CNOT6L: variants seen among roughly 807,000 people sequenced by gnomAD.
The protein encoded by CNOT6L is CCR4-NOT transcription complex subunit 6-like.
A neutral mutation model predicts 64.0 loss-of-function variants in CNOT6L; 7 were observed. The observed-to-expected ratio is 0.11, with a 90% CI of 0.06 to 0.21. The LOEUF is 0.21. Ranked by LOEUF, CNOT6L falls within the 10% of genes least tolerant of loss-of-function variation. CNOT6L has a pLI of 1.00. For synonymous variants in CNOT6L, 193 were observed against 243.4 expected, an observed-to-expected ratio of 0.79 and a Z score of 1.93; for missense variants, 245 against 669.0, an observed-to-expected ratio of 0.37 and a Z score of 6.99.
At chr4:77,799,187 G>A (rs910426725) in intron 1 of CNOT6L, among the ~76,000 whole-genome samples, 3 of 152,078 alleles carry the variant, frequency 2.0e-5, no homozygotes, top group African/African-American at 4.8e-5. Context: ...CAACACTTTC[G>A]GAGGCCAAGG....
rs530686003 is a variant in CNOT6L at position 77,817,002 on chromosome 4, T to G, written c.5+2302A>C. ...TTACCTTATATTCAGAGAAATATTC[T>G]AAGAAGTTTTATTTACCAAATCAGT... On this transcript the variant is annotated intron_variant, in intron 1 of 11. Transcript: ENST00000504123. Among the ~76,000 whole-genome samples, 15 of 152,312 alleles carry G rather than the reference T, an allele frequency of 9.8e-5. No individual in the cohort carries two copies. In the South Asian group the frequency reaches 1.7e-3, roughly 17 times the overall value.
chr4:77,719,343 A>G lies in CNOT6L; in HGVS notation c.*1088T>C, dbSNP rs1041772563. On this transcript the variant is annotated 3_prime_UTR_variant, in exon 12 of 12. Transcript: ENST00000504123. ...CAGCTAGAGTCAGGAAAATGACCCA[A>G]CGTTTTCAACTACTGCCCCAAATTT... 2.6e-5 allele frequency: 4 copies of G among 152,572 alleles called. No individual in the cohort carries two copies. Among genetic ancestry groups the G allele is most frequent in the Non-Finnish European group, 4.4e-5 (3 of 68,014 alleles). 9.5% of individuals were successfully genotyped at this position (152,572 alleles called of 1,614,324 possible). A position where few individuals can be genotyped will look rare whatever the true frequency, so the allele number is the denominator to read the frequency against.
chr4:77,803,649 A>C (rs547518590), intron 1 of CNOT6L, among the ~76,000 whole-genome samples: 2 of 152,320 alleles, frequency 1.3e-5, no homozygotes, highest in East Asian at 3.9e-4. Flanking sequence ...CATGCCTATA[A>C]TCCCATCACT....
chr4:77,757,612 GA>G (rs1725715218), intron 4 of CNOT6L, among the ~76,000 whole-genome samples: 1 of 152,046 alleles, frequency 6.6e-6, no homozygotes, highest in South Asian at 2.1e-4. Flanking sequence ...ATCCAAATTT[GA>G]AAAAATAAAA....
At chr4:77,804,461 T>C (rs957550823) in intron 1 of CNOT6L, among the ~76,000 whole-genome samples, 5 of 151,528 alleles carry the variant, frequency 3.3e-5, no homozygotes, top group Admixed American at 3.3e-4. Flanking sequence ...AATACTGTTA[T>C]ATGCTACAAC....
intron 1 of CNOT6L, among the ~76,000 whole-genome samples, chr4:77,816,079 C>T (rs761902360): frequency 2.0e-5 from 3 of 152,162 alleles, no homozygotes; most frequent in Non-Finnish European, 4.4e-5. Flanking sequence ...TGCTTAAAAG[C>T]CCATTTAAGT....
At chr4:77,804,763 A>G (rs969249585) in intron 1 of CNOT6L, among the ~76,000 whole-genome samples, 6 of 152,012 alleles carry the variant, frequency 3.9e-5, no homozygotes, top group African/African-American at 7.3e-5. Flanking sequence ...TATGTAATAC[A>G]TATCTCAACT....
intron 1 of CNOT6L, among the ~76,000 whole-genome samples, chr4:77,782,574 C>A (rs1426594844): frequency 6.6e-6 from 1 of 151,528 alleles, no homozygotes; most frequent in Admixed American, 6.6e-5. Flanking sequence ...CTCCTGCCCT[C>A]AAGACATCCT....
At chr4:77,773,292 G>A (rs1038037315) in intron 3 of CNOT6L, 126 bp from the exon 4 acceptor site, 2 of 583,704 alleles carry the variant, frequency 3.4e-6, no homozygotes, top group Admixed American at 3.7e-5. Flanking sequence ...ACATTTCTAT[G>A]TGCTCATCCA....
At chr4:77,723,068 T>C (rs886714734) in intron 11 of CNOT6L, among the ~76,000 whole-genome samples, 9 of 152,224 alleles carry the variant, frequency 5.9e-5, no homozygotes, top group Non-Finnish European at 1.3e-4. Context: ...AAAAGTTTAC[T>C]ATTTGCTATA....
At chr4:77,771,738 C>A (rs1429344723) in intron 4 of CNOT6L, among the ~76,000 whole-genome samples, 1 of 152,168 alleles carries the variant, frequency 6.6e-6, no homozygotes, top group Non-Finnish European at 1.5e-5. Context: ...TCTTTCTATT[C>A]TTATTCAAAT....
chr4:77,755,699 C>T (rs951128193), intron 5 of CNOT6L, among the ~76,000 whole-genome samples: 7 of 151,586 alleles, frequency 4.6e-5, no homozygotes, highest in African/African-American at 1.7e-4. Flanking sequence ...TTAGTTTTAC[C>T]TTATTATAAA....
At chr4:77,779,076 CAAAA>C (rs1728536826) in intron 1 of CNOT6L, among the ~76,000 whole-genome samples, 3 of 89,132 alleles carry the variant, frequency 3.4e-5, no homozygotes, top group African/African-American at 1.1e-4. Flanking sequence ...AAAAAAAACA[CAAAA>C]AACACACAGG....
At chr4:77,816,926 G>C (rs1400791779) in intron 1 of CNOT6L, among the ~76,000 whole-genome samples, 1 of 152,032 alleles carries the variant, frequency 6.6e-6, no homozygotes, top group Non-Finnish European at 1.5e-5. Flanking sequence ...TCCTACTCCA[G>C]AGAAAATACT....
intron 1 of CNOT6L, among the ~76,000 whole-genome samples, chr4:77,779,069 A>AAAAAAAAAAAAC (rs1560419999): frequency 9.4e-6 from 1 of 106,128 alleles, no homozygotes; most frequent in African/African-American, 3.3e-5. Context: ...AAAACAAAAA[A>AAAAAAAAAAAAC]AAAACACAAA....
intron 1 of CNOT6L, among the ~76,000 whole-genome samples, chr4:77,810,211 ATATT>A (rs1214148779): frequency 1.3e-5 from 2 of 152,144 alleles, no homozygotes; most frequent in Admixed American, 1.3e-4. Context: ...ATTTTTAAAA[ATATT>A]TATCTGATCA....
chr4:77,816,227 T>C (rs1233353144), intron 1 of CNOT6L, among the ~76,000 whole-genome samples: 1 of 152,160 alleles, frequency 6.6e-6, no homozygotes, highest in Non-Finnish European at 1.5e-5. Flanking sequence ...GTTTTCATGA[T>C]TACTACAGGG....
At chr4:77,789,256 A>G (rs924551077) in intron 1 of CNOT6L, among the ~76,000 whole-genome samples, 2 of 151,974 alleles carry the variant, frequency 1.3e-5, no homozygotes, top group African/African-American at 4.8e-5. Flanking sequence ...GGAAAAACTT[A>G]AGATATCCTA....
intron 8 of CNOT6L, among the ~76,000 whole-genome samples, chr4:77,736,474 C>T (rs1244040691): frequency 1.3e-5 from 2 of 152,116 alleles, no homozygotes; most frequent in Non-Finnish European, 2.9e-5. Flanking sequence ...TCCCTACTAC[C>T]TTAACAATGC....
Sources: gnomAD v4.1 joint callset for allele counts (sites outside exome capture counted in the v4.1 genomes callset) on GRCh38, gnomAD v4.1.1 for gene constraint, MANE v1.5 for transcripts, NCBI Gene and HGNC (gene_info 2026-07-23, HGNC 2026-07-21) for gene names.